Variants in KIAA0825 observed in about 807,000 individuals in gnomAD.
KIAA0825 encodes the protein KIAA0825, also known as uncharacterized protein KIAA0825.
In KIAA0825, 119 loss-of-function variants were observed where a neutral mutation model predicts 147.6. The ratio of observed to expected loss-of-function variants is 0.81; its 90% CI spans 0.69 to 0.94. KIAA0825 has a LOEUF of 0.94. KIAA0825 is among the 40% of genes least tolerant of loss of function. The pLI is 0.00. For synonymous variants in KIAA0825, 470 were observed against 518.1 expected, an observed-to-expected ratio of 0.91 and a Z score of 1.26; for missense variants, 1,381 against 1,472.7, an observed-to-expected ratio of 0.94 and a Z score of 1.02.
chr5:94,550,734 T>C (rs1209321844), intron 2 of KIAA0825, among the ~76,000 whole-genome samples: 1 of 151,070 alleles, frequency 6.6e-6, no homozygotes, highest in African/African-American at 2.4e-5. Context: ...CCCAGCTACT[T>C]GGGAGGCTGA....
At chr5:94,548,709 G>A (rs528058785) in intron 2 of KIAA0825, among the ~76,000 whole-genome samples, 8 of 152,180 alleles carry the variant, frequency 5.3e-5, no homozygotes, top group African/African-American at 9.6e-5. Context: ...ACTGAAAACC[G>A]AGGGATGGAG....
chr5:94,408,821 A>T (rs1381296073), intron 15 of KIAA0825, among the ~76,000 whole-genome samples: 3 of 152,234 alleles, frequency 2.0e-5, no homozygotes, highest in East Asian at 1.9e-4. Flanking sequence ...AAAACTATTT[A>T]AAAAATCAAT....
rs1172838355 is a variant in KIAA0825 at position 94,356,725 on chromosome 5, C to CTTTTTTTTTTTTTTTTTTT, written c.3710+27642_3710+27643insAAAAAAAAAAAAAAAAAAA. Among the ~76,000 whole-genome samples, 89 of 116,704 alleles carry CTTTTTTTTTTTTTTTTTTT rather than the reference C, an allele frequency of 7.6e-4. 9 individuals are homozygous for CTTTTTTTTTTTTTTTTTTT. Among genetic ancestry groups the CTTTTTTTTTTTTTTTTTTT allele is most frequent in the African/African-American group, 1.5e-3 (45 of 29,494 alleles). 76.6% of individuals were successfully genotyped at this position (116,704 alleles called of 152,430 possible). Reference sequence around the variant, plus strand: ...TCAAACTTAAGGTTTAACTTGATTTCTTTTTTTTTTTTTTTTTGAGACGGA... The same window carrying CTTTTTTTTTTTTTTTTTTT: ...TCAAACTTAAGGTTTAACTTGATTTCTTTTTTTTTTTTTTTTTTTTTTTTTTTTTTTTTTTTGAGACGGA... On this transcript the variant is annotated intron_variant, in intron 20 of 20. Coordinates refer to ENST00000682413, the MANE Select transcript of KIAA0825 (RefSeq NM_001145678.3).
intron 3 of KIAA0825, among the ~76,000 whole-genome samples, chr5:94,532,621 G>A (rs1771029865): frequency 6.6e-6 from 1 of 151,362 alleles, no homozygotes; most frequent in Admixed American, 6.6e-5. Flanking sequence ...CAAATTCCTG[G>A]GCTCAAGCAA....
intron 20 of KIAA0825, among the ~76,000 whole-genome samples, chr5:94,220,810 T>C (rs1773610026): frequency 6.6e-6 from 1 of 152,192 alleles, no homozygotes; most frequent in Non-Finnish European, 1.5e-5. Flanking sequence ...ATACATTCCA[T>C]GTACATGGTG....
At chr5:94,399,864 A>AT (rs761826590) in intron 16 of KIAA0825, among the ~76,000 whole-genome samples, 16 of 152,160 alleles carry the variant, frequency 1.1e-4, no homozygotes, top group Non-Finnish European at 1.3e-4. Context: ...AAAATGTCAA[A>AT]ATTAATTTTT....
chr5:94,241,366 A>G (rs1454544150), intron 20 of KIAA0825, among the ~76,000 whole-genome samples: 1 of 152,232 alleles, frequency 6.6e-6, no homozygotes, highest in Non-Finnish European at 1.5e-5. Context: ...CATCATTAAC[A>G]TCTGAAGCCT....
chr5:94,579,436 C>T (rs1378617927), intron 2 of KIAA0825, among the ~76,000 whole-genome samples: 3 of 152,168 alleles, frequency 2.0e-5, no homozygotes, highest in African/African-American at 7.2e-5. Context: ...ATATTAAAAG[C>T]ATATATTGTA....
In KIAA0825 at chr5:94,435,735, A is replaced by G. The variant is rs552163193; in HGVS notation, c.2497+4247T>C. 3.3e-5 allele frequency among the ~76,000 whole-genome samples: 5 copies of G among 152,236 alleles called. No homozygotes were observed. In the South Asian group the frequency reaches 1.0e-3, roughly 32 times the overall value. ...AATGGTTGAACTAATTTATGCTTCC[A>G]CCAACAGGGAAAATTGCTCCTTTTT... On this transcript the variant is annotated intron_variant, in intron 14 of 20. Transcript: ENST00000682413.
At chr5:94,324,329 G>A (rs1780476371) in intron 20 of KIAA0825, among the ~76,000 whole-genome samples, 1 of 151,960 alleles carries the variant, frequency 6.6e-6, no homozygotes, top group Admixed American at 6.6e-5. Flanking sequence ...AATGGATTCA[G>A]TTTTTTCTTG....
chr5:94,163,624 T>C (rs1292459445), intron 20 of KIAA0825, among the ~76,000 whole-genome samples: 1 of 152,206 alleles, frequency 6.6e-6, no homozygotes, highest in East Asian at 1.9e-4. Flanking sequence ...AGCAAAGCCC[T>C]CTTAATTTAG....
chr5:94,599,759 C>G (rs1351516663), intron 1 of KIAA0825, among the ~76,000 whole-genome samples: 2 of 151,972 alleles, frequency 1.3e-5, no homozygotes, highest in African/African-American at 4.8e-5. Flanking sequence ...ATCATGTATC[C>G]CAGAATACAT....
intron 20 of KIAA0825, among the ~76,000 whole-genome samples, chr5:94,380,443 T>C (rs116589432): frequency 0.011 from 1,738 of 152,394 alleles, 31 homozygotes; most frequent in African/African-American, 0.039. Context: ...GAGCCTGCTC[T>C]GTGCCCAAGG....
At chr5:94,313,009 C>A (rs1394259598) in intron 20 of KIAA0825, among the ~76,000 whole-genome samples, 1 of 151,544 alleles carries the variant, frequency 6.6e-6, no homozygotes, top group Non-Finnish European at 1.5e-5. Flanking sequence ...ACATTACATT[C>A]TACATTTTCT....
chr5:94,225,462 G>A (rs1774077767), intron 20 of KIAA0825, among the ~76,000 whole-genome samples: 1 of 152,208 alleles, frequency 6.6e-6, no homozygotes, highest in Admixed American at 6.6e-5. Context: ...ATATGCTGAA[G>A]TCCTAACGCC....
chr5:94,254,308 A>C (rs1016346378), intron 20 of KIAA0825, among the ~76,000 whole-genome samples: 1 of 152,216 alleles, frequency 6.6e-6, no homozygotes, highest in Non-Finnish European at 1.5e-5. Context: ...TCAGTTGGTT[A>C]GCAGATAGTG....
At chr5:94,602,831 CT>C (rs200612253) in intron 1 of KIAA0825, among the ~76,000 whole-genome samples, 6,118 of 141,064 alleles carry the variant, frequency 0.043, 268 homozygotes, top group East Asian at 0.14. Context: ...TCGGGTATGC[CT>C]TTTTTTTTTT....
intron 5 of KIAA0825, among the ~76,000 whole-genome samples, chr5:94,490,341 G>A (rs1763585307): frequency 6.6e-6 from 1 of 152,050 alleles, no homozygotes; most frequent in Admixed American, 6.6e-5. Context: ...AACCTAAAAT[G>A]TATTCTTTAA....
chr5:94,373,129 A>G (rs973026459), intron 20 of KIAA0825, among the ~76,000 whole-genome samples: 1 of 152,204 alleles, frequency 6.6e-6, no homozygotes, highest in African/African-American at 2.4e-5. Context: ...AGGAAGTTCA[A>G]AACTTTCTCA....
Sources: allele counts gnomAD v4.1 joint callset (sites outside exome capture counted in the v4.1 genomes callset), GRCh38; gene constraint gnomAD v4.1.1; transcripts MANE v1.5; gene names NCBI Gene and HGNC (gene_info 2026-07-23, HGNC 2026-07-21).